STXBP6: variants seen among roughly 807,000 people sequenced by gnomAD.
STXBP6 encodes the protein syntaxin binding protein 6.
STXBP6 carries 21 observed loss-of-function variants against 26.9 expected under a neutral mutation model. That is an observed-to-expected ratio of 0.78 (90% CI 0.55 to 1.12). STXBP6 has a LOEUF of 1.12. Among genes scored for constraint, STXBP6 ranks in the 50% most tolerant of loss-of-function variants. The probability of loss-of-function intolerance (pLI) is 0.00; values close to 1 mark genes in which losing one functional copy is unlikely to be tolerated. For synonymous variants in STXBP6, 97 were observed against 92.6 expected (o/e 1.05, Z -0.27); for missense variants, 232 against 257.9 (o/e 0.90, Z 0.69).
Position 24,841,308 on chromosome 14 carries a change from C to A in STXBP6, c.451+14628G>T, listed in dbSNP as rs575626696. 1.3e-3 allele frequency among the ~76,000 whole-genome samples: 199 copies of A among 152,302 alleles called. 2 individuals carry two copies. Among genetic ancestry groups the A allele is most frequent in the African/African-American group, 4.5e-3 (186 of 41,560 alleles). On this transcript the variant is annotated intron_variant, in intron 4 of 5. Coordinates refer to ENST00000323944, the MANE Select transcript of STXBP6 (RefSeq NM_001394410.1). ...TTTTGGCATCTCTTGTTGCTGGGAA[C>A]AAGCCATCAGTTTATCCTTCCACAG...
intron 1 of STXBP6, among the ~76,000 whole-genome samples, chr14:24,977,614 C>G (rs2074083571): frequency 6.6e-6 from 1 of 152,084 alleles, no homozygotes. Flanking sequence ...CCTCCTGGAA[C>G]TAAAGAATTA....
intron 2 of STXBP6, among the ~76,000 whole-genome samples, chr14:24,962,933 G>T (rs917941156): frequency 6.6e-6 from 1 of 151,272 alleles, no homozygotes; most frequent in African/African-American, 2.4e-5. Context: ...ATATTGTATG[G>T]TACTCAAGGC....
intron 4 of STXBP6, among the ~76,000 whole-genome samples, chr14:24,831,929 C>T (rs1041425469): frequency 6.6e-5 from 10 of 152,066 alleles, no homozygotes; most frequent in Admixed American, 2.0e-4. Context: ...AGGTCACACC[C>T]GAGGTAACAG....
At position 24,970,628 on chromosome 14, in the gene STXBP6, T is replaced by C. The variant is rs2073880241; in HGVS notation, c.154+4037A>G. ...AAATAATTTGTTTATGCATTTAATA[T>C]GTAGATGGGTATTTATTTCTGGGTT... On this transcript the variant is annotated intron_variant, in intron 2 of 5. Transcript: ENST00000323944. Among the ~76,000 whole-genome samples, 4 of 152,348 alleles carry C rather than the reference T, an allele frequency of 2.6e-5. No homozygotes were observed. In the South Asian group the frequency reaches 8.3e-4, roughly 32 times the overall value.
chr14:24,964,034 T>A (rs2073642640), intron 2 of STXBP6, among the ~76,000 whole-genome samples: 1 of 143,768 alleles, frequency 7.0e-6, no homozygotes, highest in African/African-American at 2.6e-5. Flanking sequence ...AGAGTGAACG[T>A]GTGAGCTCAA....
Position 24,890,406 on chromosome 14 carries a change from C to T in STXBP6, c.155-33249G>A, listed in dbSNP as rs548972161. Among the ~76,000 whole-genome samples the T allele has an allele frequency of 5.9e-5, 9 of 152,248 alleles. No homozygotes were observed. In the East Asian group the frequency reaches 9.6e-4, roughly 16 times the overall value. On this transcript the variant is annotated intron_variant, in intron 2 of 5. Transcript: ENST00000323944. Reference sequence around the variant, plus strand: ...TCCTCAACATCTGAATAACAAAGTACCGAACAACAACAACAAAAAGATGCA... The same window carrying T: ...TCCTCAACATCTGAATAACAAAGTATCGAACAACAACAACAAAAAGATGCA...
At chr14:24,879,264 C>T (rs545736065) in intron 2 of STXBP6, among the ~76,000 whole-genome samples, 7 of 152,284 alleles carry the variant, frequency 4.6e-5, no homozygotes, top group South Asian at 2.1e-4. Flanking sequence ...ATCTCCTCTA[C>T]AGCCCAACAT....
chr14:24,906,878 A>G (rs1480203530), intron 2 of STXBP6, among the ~76,000 whole-genome samples: 1 of 152,220 alleles, frequency 6.6e-6, no homozygotes, highest in Non-Finnish European at 1.5e-5. Flanking sequence ...AATGAACAAT[A>G]AAGATACAGA....
chr14:24,992,178 A>G (rs888007333), intron 1 of STXBP6, among the ~76,000 whole-genome samples: 3 of 152,246 alleles, frequency 2.0e-5, no homozygotes, highest in East Asian at 1.9e-4. Context: ...TCTTCAATGC[A>G]TAGATCCATC....
At chr14:24,820,914 C>G (rs547247366) in intron 4 of STXBP6, among the ~76,000 whole-genome samples, 1 of 152,298 alleles carries the variant, frequency 6.6e-6, no homozygotes, top group Admixed American at 6.5e-5. Context: ...GAAGCAATCA[C>G]TAAGACAGAA....
intron 2 of STXBP6, among the ~76,000 whole-genome samples, chr14:24,858,758 C>G (rs934986384): frequency 1.3e-5 from 2 of 152,074 alleles, no homozygotes; most frequent in Non-Finnish European, 2.9e-5. Flanking sequence ...TGGCTGTGAC[C>G]TGCTCTTACG....
intron 5 of STXBP6, chr14:24,815,847 G>A (rs933906061): frequency 1.1e-4 from 17 of 152,098 alleles, no homozygotes; most frequent in Admixed American, 9.2e-4. Context: ...CATGAAGCCC[G>A]GAGCTCAAGA....
intron 5 of STXBP6, chr14:24,817,207 G>A (rs1038971517): frequency 6.6e-6 from 1 of 152,188 alleles, no homozygotes; most frequent in Non-Finnish European, 1.5e-5. Context: ...CTTGGCCACA[G>A]TATCAGGGAA....
At chr14:24,884,011 T>C (rs1366817999) in intron 2 of STXBP6, among the ~76,000 whole-genome samples, 2 of 152,222 alleles carry the variant, frequency 1.3e-5, no homozygotes, top group African/African-American at 4.8e-5. Context: ...CCCTCTTTTA[T>C]TAAAGGCTGT....
At chr14:24,895,161 C>T (rs2070941609) in intron 2 of STXBP6, among the ~76,000 whole-genome samples, 1 of 152,090 alleles carries the variant, frequency 6.6e-6, no homozygotes, top group Non-Finnish European at 1.5e-5. Context: ...TTATAGTTGG[C>T]CAAAATAGTG....
intron 2 of STXBP6, among the ~76,000 whole-genome samples, chr14:24,873,724 T>G (rs1369896687): frequency 6.6e-6 from 1 of 152,204 alleles, no homozygotes; most frequent in East Asian, 1.9e-4. Context: ...TCCCTTTTCC[T>G]GAGGACTCTT....
chr14:24,896,540 T>C (rs2070998671), intron 2 of STXBP6, among the ~76,000 whole-genome samples: 1 of 152,162 alleles, frequency 6.6e-6, no homozygotes, highest in East Asian at 1.9e-4. Flanking sequence ...CAGCATTGCA[T>C]GCATATTAAG....
At chr14:24,849,468 A>T (rs2139106371) in intron 4 of STXBP6, among the ~76,000 whole-genome samples, 1 of 152,268 alleles carries the variant, frequency 6.6e-6, no homozygotes, top group East Asian at 1.9e-4. Context: ...TATTAAGGGA[A>T]CGTGGAAGTC....
chr14:24,889,441 G>C (rs993215471), intron 2 of STXBP6, among the ~76,000 whole-genome samples: 1 of 147,114 alleles, frequency 6.8e-6, no homozygotes, highest in Non-Finnish European at 1.5e-5. Flanking sequence ...GGGAGGGATA[G>C]CATTAGGAGA....
Sources: gnomAD v4.1 joint callset for allele counts (sites outside exome capture counted in the v4.1 genomes callset) on GRCh38, gnomAD v4.1.1 for gene constraint, MANE v1.5 for transcripts, NCBI Gene and HGNC (gene_info 2026-07-23, HGNC 2026-07-21) for gene names.